Variants in DIAPH2 observed in about 807,000 individuals in gnomAD.
DIAPH2 encodes the protein protein diaphanous homolog 2.
In DIAPH2, 35 loss-of-function variants were observed where a neutral mutation model predicts 92.7. That is an observed-to-expected ratio of 0.38 (90% confidence interval 0.29 to 0.50). The LOEUF (loss-of-function observed/expected upper bound fraction) is 0.50. DIAPH2 is among the 20% of genes least tolerant of loss of function. The probability of loss-of-function intolerance (pLI) is 0.94; values close to 1 mark genes in which losing one functional copy is unlikely to be tolerated. For synonymous variants in DIAPH2, 301 were observed against 280.4 expected (o/e 1.07, Z -0.73); for missense variants, 701 against 819.5 (o/e 0.86, Z 1.77).
At chrX:97,180,229 T>G (rs1431280237) in intron 22 of DIAPH2, among the ~76,000 whole-genome samples, 1 of 112,702 alleles carries the variant, frequency 8.9e-6, no homozygotes, top group Non-Finnish European at 1.9e-5. Context: ...ATCTGTTGTT[T>G]TGATTTGCAT....
At chrX:96,898,553 G>A (rs1484775599) in intron 5 of DIAPH2, among the ~76,000 whole-genome samples, 3 of 100,576 alleles carry the variant, frequency 3.0e-5, no homozygotes, top group South Asian at 5.3e-4. Flanking sequence ...CATGTCCTTC[G>A]CCCACTTTTT....
intron 9 of DIAPH2, among the ~76,000 whole-genome samples, chrX:96,929,149 CAA>C (rs1349150283): frequency 1.8e-5 from 2 of 111,483 alleles, no homozygotes; most frequent in Non-Finnish European, 3.8e-5. Context: ...TGTAACATAA[CAA>C]GAGTCATTCA....
intron 21 of DIAPH2, among the ~76,000 whole-genome samples, chrX:97,134,451 A>C (rs941174790): frequency 8.9e-6 from 1 of 111,878 alleles, no homozygotes; most frequent in Non-Finnish European, 1.9e-5. Context: ...CTCCCCTGGA[A>C]ATTTATTTGA....
intron 4 of DIAPH2, among the ~76,000 whole-genome samples, chrX:96,808,466 G>A (rs1388256944): frequency 9.0e-6 from 1 of 111,564 alleles, no homozygotes; most frequent in Non-Finnish European, 1.9e-5. Context: ...CTGCAAAGCT[G>A]GTTTAAATCT....
intron 17 of DIAPH2, among the ~76,000 whole-genome samples, chrX:97,005,333 A>AT (rs557177508): frequency 0.14 from 13,073 of 92,315 alleles, 1,786 homozygotes; most frequent in African/African-American, 0.41. Flanking sequence ...CTCCTCCTCT[A>AT]TTTTTTTTTT....
intron 17 of DIAPH2, among the ~76,000 whole-genome samples, chrX:97,065,133 C>T (rs755237991): frequency 9.0e-6 from 1 of 111,536 alleles, no homozygotes; most frequent in East Asian, 2.8e-4. Flanking sequence ...GTTTGATGCA[C>T]TTAGCTCTTG....
chrX:96,807,452 A>G (rs2064636598), intron 4 of DIAPH2, among the ~76,000 whole-genome samples: 1 of 112,039 alleles, frequency 8.9e-6, no homozygotes, highest in African/African-American at 3.2e-5. Context: ...AGCAAGGCAA[A>G]GAAAATAGTT....
At chrX:96,687,275 A>C (rs1389164805) in intron 1 of DIAPH2, among the ~76,000 whole-genome samples, 1 of 111,815 alleles carries the variant, frequency 8.9e-6, no homozygotes, top group Non-Finnish European at 1.9e-5. Context: ...GTAAAAAAGA[A>C]GTTAACTACT....
chrX:96,942,168 T>G, intron 13 of DIAPH2, 32 bp downstream of exon 13: 1 of 886,355 alleles, frequency 1.1e-6, no homozygotes, highest in South Asian at 2.0e-5. Context: ...GTCCTCTGAT[T>G]GTGTTTTGTG....
At chrX:97,111,218 G>A (rs1030847208) in intron 20 of DIAPH2, among the ~76,000 whole-genome samples, 5 of 111,811 alleles carry the variant, frequency 4.5e-5, no homozygotes, top group African/African-American at 1.3e-4. Flanking sequence ...AAACAAGACC[G>A]CTTTACAGGA....
At chrX:97,352,564 C>T (rs1260784034) in intron 24 of DIAPH2, among the ~76,000 whole-genome samples, 2 of 109,761 alleles carry the variant, frequency 1.8e-5, no homozygotes, top group African/African-American at 6.6e-5. Context: ...TCAGAGATTT[C>T]ATGAGTTTAA....
chrX:96,821,602 C>T (rs964610063), intron 4 of DIAPH2, among the ~76,000 whole-genome samples: 1 of 112,110 alleles, frequency 8.9e-6, no homozygotes, highest in African/African-American at 3.2e-5. Context: ...AGTGAAATCT[C>T]TAAAGAATAT....
At chrX:97,166,507 A>T (rs2067413583) in intron 22 of DIAPH2, among the ~76,000 whole-genome samples, 1 of 111,987 alleles carries the variant, frequency 8.9e-6, no homozygotes, top group African/African-American at 3.2e-5. Flanking sequence ...ATAAACACAT[A>T]GAACTACCAG....
At chrX:97,127,163 T>A (rs2067099458) in intron 21 of DIAPH2, among the ~76,000 whole-genome samples, 1 of 103,177 alleles carries the variant, frequency 9.7e-6, no homozygotes, top group Non-Finnish European at 1.9e-5. Flanking sequence ...GTCACAAAAG[T>A]CAAATAATTT....
intron 21 of DIAPH2, among the ~76,000 whole-genome samples, chrX:97,137,534 A>C (rs917521882): frequency 9.1e-6 from 1 of 109,472 alleles, no homozygotes; most frequent in African/African-American, 3.3e-5. Flanking sequence ...GGCCAAAAAA[A>C]GTTATTAATT....
rs780875130 is a variant in DIAPH2 at position 96,939,320 on chromosome X, T to G, written c.1263T>G (p.Ala421=). ...LLYNMLKDTA[A]ENYFLSILQH... ...ATAATATGCTGAAGGACACTGCTGC[T>G]GAAAATTACTTCTTATCTATTCTAC... The change falls in exon 12 of 27, where the codon GCT becomes GCG. Residue 421 remains alanine, a synonymous_variant. Coordinates refer to ENST00000324765, the MANE Select transcript of DIAPH2 (RefSeq NM_006729.5). 4.9e-5 allele frequency: 56 copies of G among 1,153,846 alleles called. No homozygotes were observed. The East Asian group carries it at 1.7e-3, about 34-fold the overall frequency.
chrX:96,939,341 T>C lies in DIAPH2; in HGVS notation c.1284T>C (p.Ile428=), dbSNP rs755489499. The C allele has an allele frequency of 8.7e-7, 1 of 1,143,039 alleles. No individual in the cohort carries two copies. The highest frequency in any genetic ancestry group is 2.3e-5 in the Admixed American group (1 of 44,416). 94.2% of individuals were successfully genotyped at this position (1,143,039 alleles called of 1,213,427 possible). A position where few individuals can be genotyped will look rare whatever the true frequency, so the allele number is the denominator to read the frequency against. The part of the protein sequence containing the change: ...DTAAENYFLS[I]LQHFLLIRND... ...CTGCTGAAAATTACTTCTTATCTAT[T>C]CTACAACATTTTTTGCTTATCAGAA... The change falls in exon 12 of 27, where the codon ATT becomes ATC. Residue 428 remains isoleucine (I), a synonymous_variant. Transcript: ENST00000324765.
chrX:97,291,845 A>G (rs145565775), intron 23 of DIAPH2, among the ~76,000 whole-genome samples: 170 of 111,163 alleles, frequency 1.5e-3, no homozygotes, highest in African/African-American at 5.4e-3. Flanking sequence ...GCAAGTAAAC[A>G]CTTTCATATA....
intron 4 of DIAPH2, among the ~76,000 whole-genome samples, chrX:96,822,972 T>C (rs1420821909): frequency 8.9e-6 from 1 of 112,084 alleles, no homozygotes; most frequent in Non-Finnish European, 1.9e-5. Context: ...GTATATGGTA[T>C]GTATGAGTGG....
Sources: gnomAD v4.1 joint callset for allele counts (sites outside exome capture counted in the v4.1 genomes callset) on GRCh38, gnomAD v4.1.1 for gene constraint, MANE v1.5 for transcripts, NCBI Gene and HGNC (gene_info 2026-07-23, HGNC 2026-07-21) for gene names.